The following SFRP2 variants were observed in gnomAD, a reference collection of about 807,000 sequenced individuals.
The protein encoded by SFRP2 is secreted frizzled-related protein 2.
A neutral mutation model predicts 26.0 loss-of-function variants in SFRP2; 16 were observed. That is an observed-to-expected ratio of 0.61 (90% confidence interval 0.42 to 0.93). The LOEUF (loss-of-function observed/expected upper bound fraction) is 0.93, where lower values mean the gene tolerates loss of function less well. Among genes scored for constraint, SFRP2 ranks in the 40% least tolerant of loss-of-function variants. The pLI is 0.00. For synonymous variants in SFRP2, 173 were observed against 167.3 expected (o/e 1.03, Z -0.26); for missense variants, 343 against 392.4 (o/e 0.87, Z 1.06).
intron 2 of SFRP2, among the ~76,000 whole-genome samples, chr4:153,783,465 A>AT (rs1215264446): frequency 6.6e-6 from 1 of 152,174 alleles, no homozygotes; most frequent in Non-Finnish European, 1.5e-5. Context: ...AACATTAGGG[A>AT]TTTTCTCCCT....
At position 153,788,501 on chromosome 4, in the gene SFRP2, T is replaced by A; in HGVS notation, c.335A>T (p.Gln112Leu). ...VCLDDLDETI[Q>L]PCHSLCVQVK... is the part of the protein sequence containing the mutation. Reference sequence around the variant, plus strand: ...CTGCACGCAGAGCGAGTGGCATGGCTGGATGGTCTCGTCTAGGTCATCGAG... The same window carrying A: ...CTGCACGCAGAGCGAGTGGCATGGCAGGATGGTCTCGTCTAGGTCATCGAG... The change falls in exon 1 of 3, where the codon CAG becomes CTG. Residue 112 changes from glutamine (Q) to leucine (L), a missense_variant. Around this residue, in one of 2 missense-constraint regions of SFRP2, gnomAD observed 251 missense variants for 253.3 expected, o/e 0.99. Transcript: ENST00000274063. The A allele has an allele frequency of 6.2e-7, 1 of 1,614,102 alleles. No individual in the cohort carries two copies. Among genetic ancestry groups the A allele is most frequent in the Non-Finnish European group, 8.5e-7 (1 of 1,179,996 alleles).
In SFRP2 at chr4:153,788,967, C is replaced by A; in HGVS notation, c.-132G>T. The A allele has an allele frequency of 9.4e-7, 1 of 1,068,280 alleles. No individual in the cohort carries two copies. Among genetic ancestry groups the A allele is most frequent in the Non-Finnish European group, 1.2e-6 (1 of 807,076 alleles). The allele number at this position is 1,068,280 out of a possible 1,614,324, so 66.2% of individuals were successfully genotyped here. A position where few individuals can be genotyped will look rare whatever the true frequency, so the allele number is the denominator to read the frequency against. ...GGGGCCCCGAAAAGCTGGCAGCCGG[C>A]GGCTGGGGCGCGGAGAAGCGGGACA... is the stretch of plus-strand genomic sequence containing the variant. On this transcript the variant is annotated 5_prime_UTR_variant, in exon 1 of 3. Coordinates refer to ENST00000274063, the MANE Select transcript of SFRP2 (RefSeq NM_003013.3).
At chr4:153,788,221 C>T (rs1741244628) in intron 1 of SFRP2, 113 bp downstream of exon 1, 5 of 1,318,054 alleles carry the variant, frequency 3.8e-6, no homozygotes, top group Non-Finnish European at 3.1e-6. Flanking sequence ...AACTTCTGCC[C>T]TTCCCGCTAC....
chr4:153,784,928 G>A (rs1741178134), intron 2 of SFRP2, among the ~76,000 whole-genome samples: 1 of 152,152 alleles, frequency 6.6e-6, no homozygotes, highest in Admixed American at 6.5e-5. Context: ...TCTGAATTTA[G>A]CATTGATCCT....
Position 153,788,021 on chromosome 4 carries a change from T to A in SFRP2, c.502+313A>T, listed in dbSNP as rs1286024027. Among the ~76,000 whole-genome samples the A allele has an allele frequency of 3.3e-5, 5 of 151,882 alleles. No individual in the cohort carries two copies. The East Asian group carries it at 9.6e-4, about 29-fold the overall frequency. On this transcript the variant is annotated intron_variant, in intron 1 of 2. Transcript: ENST00000274063. Reference sequence around the variant, plus strand: ...TCTTTAACAATAATCGTGTATCTATTTTTTTTTAAACCGCCGTTCAGTTCT... The same window carrying A: ...TCTTTAACAATAATCGTGTATCTATATTTTTTTAAACCGCCGTTCAGTTCT...
At chr4:153,787,432 C>T (rs1436123346) in intron 1 of SFRP2, among the ~76,000 whole-genome samples, 3 of 152,322 alleles carry the variant, frequency 2.0e-5, no homozygotes, top group African/African-American at 7.2e-5. Context: ...GCTGCTGAAG[C>T]CCTGAAAGGG....
At position 153,788,158 on chromosome 4, in the gene SFRP2, G is replaced by C. The variant is rs140103463; in HGVS notation, c.502+176C>G. Among the ~76,000 whole-genome samples the C allele has an allele frequency of 6.1e-3, 929 of 152,350 alleles. 5 individuals are homozygous for C. The highest frequency in any genetic ancestry group is 0.041 in the Middle Eastern group (12 of 294). On this transcript the variant is annotated intron_variant, in intron 1 of 2. Coordinates refer to ENST00000274063, the MANE Select transcript of SFRP2 (RefSeq NM_003013.3). ...GCGCGAGACTTGGGCGGCGTGGGAG[G>C]GGTGCCTCAAATTTGATACAGGCTT...
chr4:153,781,594 C>A lies in SFRP2; in HGVS notation c.745G>T (p.Glu249Ter). 6.2e-7 allele frequency: 1 copy of A among 1,614,210 alleles called. No homozygotes were observed. Among genetic ancestry groups the A allele is most frequent in the Non-Finnish European group, 8.5e-7 (1 of 1,180,034 alleles). The change falls in exon 3 of 3, where the codon GAG becomes TAG. Residue 249 changes from glutamate to a stop codon, truncating the protein, a stop_gained. Transcript: ENST00000274063. LOFTEE classifies it high-confidence loss of function. The part of the protein sequence containing the change: ...LKDSLQCTCE[E>*]MNDINAPYLV... ...TAGGGCGCGTTGATGTCGTTCATCT[C>A]CTCACAGGTGCACTGCAAGCTGTCT...
At chr4:153,784,025 A>G (rs559440037) in intron 2 of SFRP2, among the ~76,000 whole-genome samples, 2 of 152,334 alleles carry the variant, frequency 1.3e-5, no homozygotes, top group South Asian at 4.1e-4. Context: ...TCATGTCTTG[A>G]TAGGGCATCC....
At chr4:153,785,401 T>A (rs757945100) in intron 2 of SFRP2, among the ~76,000 whole-genome samples, 2 of 151,976 alleles carry the variant, frequency 1.3e-5, no homozygotes, top group Non-Finnish European at 2.9e-5. Flanking sequence ...AGGTTTAAAA[T>A]CATTATGGGT....
In SFRP2 at chr4:153,783,358, A is replaced by G. The variant is rs548072686; in HGVS notation, c.584-1603T>C. Among the ~76,000 whole-genome samples, 3 of 152,336 alleles carry G rather than the reference A, an allele frequency of 2.0e-5. No individual in the cohort carries two copies. The East Asian group carries it at 5.8e-4, about 29-fold the overall frequency. On this transcript the variant is annotated intron_variant, in intron 2 of 2. Transcript: ENST00000274063. ...AATGAAACATTCTCAAGCTCCAAAC[A>G]TCAGAAAAAACCATCACTTTTAACC...
intron 1 of SFRP2, 132 bp from the exon 2 acceptor site, chr4:153,786,076 T>C: frequency 2.0e-6 from 1 of 499,656 alleles, no homozygotes; most frequent in South Asian, 3.4e-5. Flanking sequence ...TTCTGCCTCC[T>C]CTATAAAAGC....
Position 153,781,462 on chromosome 4 carries a change from G to T in SFRP2, c.877C>A (p.Leu293Met), listed in dbSNP as rs1741120387. The change falls in exon 3 of 3, where the codon CTG becomes ATG. Residue 293 changes from leucine (L) to methionine (M), a missense_variant. Leu to Met is a conservative substitution (Grantham distance 15, BLOSUM62 2). Coordinates refer to ENST00000274063, the MANE Select transcript of SFRP2 (RefSeq NM_003013.3). Reference sequence around the variant, plus strand: ...TCAGGATGCCGGGACTAGCACTGCAGCTTGCGGATGCTGCGGGAGATGCGC... The same window carrying T: ...TCAGGATGCCGGGACTAGCACTGCATCTTGCGGATGCTGCGGGAGATGCGC... ...FKRISRSIRK[L>M]QC The T allele has an allele frequency of 1.9e-6, 3 of 1,612,466 alleles. No homozygotes were observed. The highest frequency in any genetic ancestry group is 2.5e-6 in the Non-Finnish European group (3 of 1,179,832).
chr4:153,788,289 C>G lies in SFRP2; in HGVS notation c.502+45G>C, dbSNP rs368864730. 3.7e-5 allele frequency: 58 copies of G among 1,575,004 alleles called. No homozygotes were observed. The African/African-American group carries it at 5.8e-4, about 16-fold the overall frequency. ...TGGCAGGGGCGGGATCTCCTGGGAGCGTCTCAGCCCAGCAGGGAGTGGGGA... is the reference window on the plus strand; with the variant it reads ...TGGCAGGGGCGGGATCTCCTGGGAGGGTCTCAGCCCAGCAGGGAGTGGGGA... On this transcript the variant is annotated intron_variant, in intron 1 of 2. Transcript: ENST00000274063.
intron 1 of SFRP2, among the ~76,000 whole-genome samples, chr4:153,787,926 C>A (rs1741236913): frequency 1.3e-5 from 2 of 152,210 alleles, no homozygotes; most frequent in Non-Finnish European, 2.9e-5. Context: ...GGGCCTCTGG[C>A]CAGAATGCTC....
At chr4:153,783,497 CAG>C (rs1284614614) in intron 2 of SFRP2, among the ~76,000 whole-genome samples, 2 of 152,186 alleles carry the variant, frequency 1.3e-5, no homozygotes, top group Non-Finnish European at 2.9e-5. Context: ...TAGGCCCAAA[CAG>C]AGAGAATTGA....
chr4:153,786,871 AAAG>A (rs944096149), intron 1 of SFRP2, among the ~76,000 whole-genome samples: 10 of 152,082 alleles, frequency 6.6e-5, no homozygotes, highest in Non-Finnish European at 1.3e-4. Context: ...AAAAAAAAAA[AAAG>A]AACAATTATA....
At chr4:153,781,834 G>T in intron 2 of SFRP2, 79 bp from the exon 3 acceptor site, 1 of 1,286,338 alleles carries the variant, frequency 7.8e-7, no homozygotes, top group Non-Finnish European at 1.1e-6. Context: ...GCCAACTCGT[G>T]TGACTTGGCC....
Position 153,788,377 on chromosome 4 carries a change from G to A in SFRP2, c.459C>T (p.Ile153=), listed in dbSNP as rs138983900. 9.6e-5 allele frequency: 155 copies of A among 1,613,378 alleles called. No individual in the cohort carries two copies. Among genetic ancestry groups the A allele is most frequent in the Non-Finnish European group, 1.2e-4 (146 of 1,179,886 alleles). Residue 153 remains isoleucine (I), a synonymous_variant, in exon 1 of 3, where the codon ATC becomes ATT. Coordinates refer to ENST00000274063, the MANE Select transcript of SFRP2 (RefSeq NM_003013.3). ...DRFPQDNDLC[I]PLASSDHLLP... is the part of the protein sequence containing the mutation. Reference sequence around the variant, plus strand: ...GGAGGTGGTCGCTGCTAGCGAGGGGGATGCAAAGGTCGTTGTCCTGGGGGA... The same window carrying A: ...GGAGGTGGTCGCTGCTAGCGAGGGGAATGCAAAGGTCGTTGTCCTGGGGGA...
Sources: allele counts gnomAD v4.1 joint callset (sites outside exome capture counted in the v4.1 genomes callset), GRCh38; gene constraint gnomAD v4.1.1; regional missense constraint gnomAD v4.1.1; transcripts MANE v1.5; gene names NCBI Gene and HGNC (gene_info 2026-07-23, HGNC 2026-07-21).